The following BMP5 variants were observed in gnomAD, a reference collection of about 807,000 sequenced individuals.
BMP5 encodes the protein bone morphogenetic protein 5.
A neutral mutation model predicts 46.6 loss-of-function variants in BMP5; 23 were observed. That is an observed-to-expected ratio of 0.49 (90% CI 0.35 to 0.70). The LOEUF is 0.70. Among genes scored for constraint, BMP5 ranks in the 30% least tolerant of loss-of-function variants. The probability of loss-of-function intolerance (pLI) is 0.00; values close to 1 mark genes in which losing one functional copy is unlikely to be tolerated. For missense variants in BMP5, 545 were observed against 565.6 expected (o/e 0.96, Z 0.37); for synonymous variants, 204 against 191.9 (o/e 1.06, Z -0.52).
intron 1 of BMP5, among the ~76,000 whole-genome samples, chr6:55,853,143 AAAATAAAATAAAATAAAATAAAAT>A (rs1777289269): frequency 1.0e-4 from 1 of 9,718 alleles, no homozygotes; most frequent in Non-Finnish European, 1.6e-4. Context: ...ATACATAAAT[AAAATAAAATAAAATAAAATAAAAT>A]AAAATAAAAT....
intron 3 of BMP5, among the ~76,000 whole-genome samples, chr6:55,785,870 A>T (rs1775435823): frequency 6.6e-6 from 1 of 151,808 alleles, no homozygotes; most frequent in South Asian, 2.1e-4. Context: ...TTATGGAAAA[A>T]TTTAGATTGA....
intron 3 of BMP5, among the ~76,000 whole-genome samples, chr6:55,791,169 C>T (rs1292018484): frequency 6.8e-6 from 1 of 146,180 alleles, no homozygotes; most frequent in Non-Finnish European, 1.6e-5. Context: ...AGAACACAAG[C>T]AGTGGTAATG....
Position 55,875,449 on chromosome 6 carries a change from T to C in BMP5, c.-584A>G, listed in dbSNP as rs576968911. The C allele has an allele frequency of 6.4e-6, 1 of 155,746 alleles. No homozygotes were observed. The highest frequency in any genetic ancestry group is 1.9e-4 in the South Asian group (1 of 5,240). 9.6% of individuals were successfully genotyped at this position (155,746 alleles called of 1,614,324 possible). A position where few individuals can be genotyped will look rare whatever the true frequency, so the allele number is the denominator to read the frequency against. ...TAGTGTAAAATAATACTCTAGGTTG[T>C]ACTATTCAAGTAAATGTGTTTCCCT... is the stretch of plus-strand genomic sequence containing the variant. On this transcript the variant is annotated 5_prime_UTR_variant, in exon 1 of 7. Transcript: ENST00000370830.
At chr6:55,822,565 A>T (rs1582094236) in intron 1 of BMP5, among the ~76,000 whole-genome samples, 1 of 152,120 alleles carries the variant, frequency 6.6e-6, no homozygotes, top group African/African-American at 2.4e-5. Context: ...TTTTTTCATT[A>T]ATATTAAATT....
chr6:55,763,256 T>A (rs541651274), intron 4 of BMP5, among the ~76,000 whole-genome samples: 2 of 152,140 alleles, frequency 1.3e-5, no homozygotes, highest in Non-Finnish European at 2.9e-5. Context: ...TTGAATTCTA[T>A]GTATATAAAA....
intron 4 of BMP5, among the ~76,000 whole-genome samples, chr6:55,768,196 A>G (rs1299974543): frequency 6.6e-6 from 1 of 152,002 alleles, no homozygotes; most frequent in Non-Finnish European, 1.5e-5. Flanking sequence ...GCATAAATTT[A>G]CATTGTATTT....
At chr6:55,777,291 T>A (rs762578954) in intron 3 of BMP5, among the ~76,000 whole-genome samples, 1 of 151,986 alleles carries the variant, frequency 6.6e-6, no homozygotes, top group Admixed American at 6.6e-5. Flanking sequence ...AAATTCTTTA[T>A]AAAACTTTAT....
At chr6:55,854,695 C>G (rs1047133839) in intron 1 of BMP5, among the ~76,000 whole-genome samples, 5 of 152,030 alleles carry the variant, frequency 3.3e-5, no homozygotes, top group Non-Finnish European at 5.9e-5. Context: ...CCTAATTTTA[C>G]CTCATATGCT....
At chr6:55,770,494 T>C (rs1775022969) in intron 4 of BMP5, among the ~76,000 whole-genome samples, 1 of 151,900 alleles carries the variant, frequency 6.6e-6, no homozygotes, top group East Asian at 1.9e-4. Context: ...TGATCTTCCA[T>C]CCAGACCACT....
At chr6:55,763,485 G>T (rs228139) in intron 4 of BMP5, among the ~76,000 whole-genome samples, 13,315 of 152,116 alleles carry the variant, frequency 0.088, 823 homozygotes, top group South Asian at 0.21. Flanking sequence ...TGAAGTAAAT[G>T]TTGTACCCAA....
chr6:55,795,467 C>T lies in BMP5; in HGVS notation c.684-1040G>A, dbSNP rs532002402. Among the ~76,000 whole-genome samples the T allele has an allele frequency of 1.0e-3, 158 of 152,064 alleles. 2 individuals are homozygous for T. Among genetic ancestry groups the T allele is most frequent in the Middle Eastern group, 0.01 (3 of 292 alleles). On this transcript the variant is annotated intron_variant, in intron 2 of 6. Coordinates refer to ENST00000370830, the MANE Select transcript of BMP5 (RefSeq NM_021073.4). ...AATATTATTATACTAGGTTAAATAT[C>T]AACATACTGTGTTAAATACTATTTT...
intron 3 of BMP5, among the ~76,000 whole-genome samples, chr6:55,793,919 A>C (rs1015719768): frequency 6.6e-6 from 1 of 152,080 alleles, no homozygotes; most frequent in Non-Finnish European, 1.5e-5. Context: ...CAGTTCCATA[A>C]ATTTTTACAA....
At chr6:55,816,413 T>C (rs1776270589) in intron 2 of BMP5, among the ~76,000 whole-genome samples, 1 of 152,128 alleles carries the variant, frequency 6.6e-6, no homozygotes, top group Non-Finnish European at 1.5e-5. Flanking sequence ...TTCAGAATAT[T>C]ATTTTCAACT....
At chr6:55,808,289 G>A (rs1341903620) in intron 2 of BMP5, among the ~76,000 whole-genome samples, 1 of 152,214 alleles carries the variant, frequency 6.6e-6, no homozygotes, top group Admixed American at 6.5e-5. Context: ...GTGTTTGGCT[G>A]TGAGGGATAC....
intron 2 of BMP5, among the ~76,000 whole-genome samples, chr6:55,812,222 A>C (rs934076478): frequency 1.3e-5 from 2 of 152,218 alleles, no homozygotes; most frequent in African/African-American, 4.8e-5. Context: ...ACTTTTTACC[A>C]AGTAAAATAT....
Position 55,874,622 on chromosome 6 carries a change from G to A in BMP5, c.244C>T (p.Leu82=). 3 of 1,613,620 alleles carry A rather than the reference G, an allele frequency of 1.9e-6. No individual in the cohort carries two copies. The highest frequency in any genetic ancestry group is 2.5e-6 in the Non-Finnish European group (3 of 1,179,730). The change falls in exon 1 of 7, where the codon CTG becomes TTG. Residue 82 remains leucine, a synonymous_variant. Transcript: ENST00000370830. The part of the protein sequence containing the change: ...KQASSAPLFM[L]DLYNAMTNEE... ...TTGGTCATGGCATTGTAGAGATCCAGCATAAAGAGAGGTGCAGAGGACGCT... is the reference window on the plus strand; with the variant it reads ...TTGGTCATGGCATTGTAGAGATCCAACATAAAGAGAGGTGCAGAGGACGCT...
intron 3 of BMP5, among the ~76,000 whole-genome samples, chr6:55,778,031 C>A (rs1292821675): frequency 6.6e-6 from 1 of 151,998 alleles, no homozygotes; most frequent in Non-Finnish European, 1.5e-5. Flanking sequence ...GCATTGACTT[C>A]AAAGAGTAGT....
chr6:55,787,067 A>C (rs749411080), intron 3 of BMP5, among the ~76,000 whole-genome samples: 4 of 151,634 alleles, frequency 2.6e-5, no homozygotes, highest in Admixed American at 2.6e-4. Flanking sequence ...TTGATCTTTG[A>C]ATTTCTTCTG....
chr6:55,778,807 G>C (rs228148), intron 3 of BMP5, among the ~76,000 whole-genome samples: 62,169 of 151,828 alleles, frequency 0.41, 13,402 homozygotes, highest in East Asian at 0.59. Context: ...GATGAGGCTG[G>C]AGCGCTGAAC....
Sources: gnomAD v4.1 joint callset for allele counts (sites outside exome capture counted in the v4.1 genomes callset) on GRCh38, gnomAD v4.1.1 for gene constraint, MANE v1.5 for transcripts, NCBI Gene and HGNC (gene_info 2026-07-23, HGNC 2026-07-21) for gene names.